Variants in LIPG observed in about 807,000 individuals in gnomAD.
The protein encoded by LIPG is lipase G, endothelial type, also known as endothelial lipase.
LIPG carries 34 observed loss-of-function variants against 51.8 expected under a neutral mutation model. The ratio of observed to expected loss-of-function variants is 0.66; its 90% CI spans 0.50 to 0.87. The LOEUF is 0.87. Among genes scored for constraint, LIPG ranks in the 40% least tolerant of loss-of-function variants. The probability of loss-of-function intolerance (pLI) is 0.00; values close to 1 mark genes in which losing one functional copy is unlikely to be tolerated. For synonymous variants in LIPG, 246 were observed against 246.1 expected (o/e 1.00, Z 0.00); for missense variants, 580 against 652.7 (o/e 0.89, Z 1.21).
intron 2 of LIPG, among the ~76,000 whole-genome samples, chr18:49,566,987 G>T (rs554804836): frequency 2.0e-5 from 3 of 152,314 alleles, no homozygotes; most frequent in East Asian, 1.9e-4. Flanking sequence ...TGCCTGTGCT[G>T]GTCCTGCTCA....
chr18:49,588,729 C>T (rs976567789), intron 9 of LIPG, among the ~76,000 whole-genome samples: 1 of 152,148 alleles, frequency 6.6e-6, no homozygotes, highest in Admixed American at 6.5e-5. Flanking sequence ...GAGGAAGGCC[C>T]ATCTTGTGGT....
Position 49,577,798 on chromosome 18 carries a change from AC to A in LIPG, c.793+2215del, listed in dbSNP as rs1200072741. On this transcript the variant is annotated intron_variant, in intron 5 of 9. Coordinates refer to ENST00000261292, the MANE Select transcript of LIPG (RefSeq NM_006033.4). The stretch of plus-strand genomic sequence containing the variant: ...GGGCGGCTGGCCAGGCGGGGGGCTG[AC>A]CCCCCCACCTCCCTCCCGGACGGGG... 1.3e-3 allele frequency among the ~76,000 whole-genome samples: 115 copies of A among 85,780 alleles called. 7 individuals carry two copies. The highest frequency in any genetic ancestry group is 5.7e-3 in the African/African-American group (104 of 18,192). 56.3% of individuals were successfully genotyped at this position (85,780 alleles called of 152,430 possible).
chr18:49,591,231 A>G lies in LIPG; in HGVS notation c.*709A>G, dbSNP rs1265753490. 1 of 154,810 alleles carries G rather than the reference A, an allele frequency of 6.5e-6. No homozygotes were observed. The highest frequency in any genetic ancestry group is 1.4e-5 in the Non-Finnish European group (1 of 69,834). 9.6% of individuals were successfully genotyped at this position (154,810 alleles called of 1,614,324 possible). On this transcript the variant is annotated 3_prime_UTR_variant, in exon 10 of 10. Transcript: ENST00000261292. Reference sequence around the variant, plus strand: ...AACCCAGTGGAGTTGGGATTTCTAGACCCTCTTTCTGTTTGGATGGTGTAT... The same window carrying G: ...AACCCAGTGGAGTTGGGATTTCTAGGCCCTCTTTCTGTTTGGATGGTGTAT...
intron 5 of LIPG, among the ~76,000 whole-genome samples, chr18:49,578,455 T>C (rs1313746221): frequency 8.9e-6 from 1 of 111,976 alleles, no homozygotes; most frequent in Non-Finnish European, 1.8e-5. Flanking sequence ...CCTCACTTCC[T>C]AGATGTGATG....
intron 1 of LIPG, among the ~76,000 whole-genome samples, chr18:49,564,811 A>G (rs536253902): frequency 6.6e-5 from 10 of 152,358 alleles, no homozygotes; most frequent in South Asian, 2.1e-4. Flanking sequence ...TTTGCCCTCA[A>G]ATGTGAGTGG....
chr18:49,596,192 A>G lies in LIPG; in HGVS notation c.*5670A>G, dbSNP rs894330462. On this transcript the variant is annotated 3_prime_UTR_variant, in exon 10 of 10. Transcript: ENST00000261292. ...AATGAATTCCATCTGAATAAAAGGT[A>G]TAAATGTGAAAGTCATCATGCTAAT... 6.6e-6 allele frequency: 1 copy of G among 152,264 alleles called. No homozygotes were observed. Among genetic ancestry groups the G allele is most frequent in the African/African-American group, 2.4e-5 (1 of 41,468 alleles). 9.4% of individuals were successfully genotyped at this position (152,264 alleles called of 1,614,324 possible).
chr18:49,562,163 G>C lies in LIPG; in HGVS notation c.-146G>C. On this transcript the variant is annotated 5_prime_UTR_variant, in exon 1 of 10. Transcript: ENST00000261292. ...CACCGCCCGGGCTCCGTGCCGCCAA[G>C]TTTTCATTTTCCACCTTCTCTGCCT... is the stretch of plus-strand genomic sequence containing the variant. The C allele has an allele frequency of 6.7e-7, 1 of 1,498,746 alleles. No homozygotes were observed. The highest frequency in any genetic ancestry group is 8.9e-7 in the Non-Finnish European group (1 of 1,129,558). The allele number at this position is 1,498,746 out of a possible 1,614,324, so 92.8% of individuals were successfully genotyped here.
chr18:49,569,973 C>T (rs913195363), intron 4 of LIPG, among the ~76,000 whole-genome samples: 2 of 152,200 alleles, frequency 1.3e-5, no homozygotes, highest in Non-Finnish European at 2.9e-5. Context: ...AACTCAAGAG[C>T]GGAAGCTGGA....
At chr18:49,586,044 G>A (rs1211930708) in intron 8 of LIPG, among the ~76,000 whole-genome samples, 1 of 152,180 alleles carries the variant, frequency 6.6e-6, no homozygotes, top group African/African-American at 2.4e-5. Flanking sequence ...CACCCTTAAG[G>A]ATTACGTGGT....
At chr18:49,565,531 A>T in intron 2 of LIPG, 33 bp downstream of exon 2, 1 of 1,609,964 alleles carries the variant, frequency 6.2e-7, no homozygotes, top group African/African-American at 1.3e-5. Flanking sequence ...GCGGCTTTAT[A>T]TAAGATTTGA....
Position 49,583,722 on chromosome 18 carries a change from C to CG in LIPG, c.1327dup (p.Glu443GlyfsTer26). On this transcript the variant is annotated frameshift_variant, in exon 8 of 10. Coordinates refer to ENST00000261292, the MANE Select transcript of LIPG (RefSeq NM_006033.4). LOFTEE classifies it high-confidence loss of function. ...CCTGTCTCAACCCCGCAACCCCGGA[C>CG]GGGAGCTGAATATCAGGCGCATCCG... 1.9e-6 allele frequency: 3 copies of CG among 1,614,068 alleles called. No individual in the cohort carries two copies. Among genetic ancestry groups the CG allele is most frequent in the Non-Finnish European group, 1.7e-6 (2 of 1,180,020 alleles).
rs187636431 is a variant in LIPG, at chr18:49,572,386, A to G, written c.571+2838A>G. 3.2e-3 allele frequency among the ~76,000 whole-genome samples: 481 copies of G among 152,192 alleles called. 5 individuals are homozygous for G. The highest frequency in any genetic ancestry group is 0.021 in the Admixed American group (323 of 15,280). ...ACACCTCATATATGACAGCTACTCT[A>G]TGCTATCTCTGAACCACATAGCAAC... On this transcript the variant is annotated intron_variant, in intron 4 of 9. Coordinates refer to ENST00000261292, the MANE Select transcript of LIPG (RefSeq NM_006033.4).
intron 8 of LIPG, 56 bp downstream of exon 8, chr18:49,583,830 G>A (rs1568536101): frequency 1.4e-6 from 2 of 1,474,278 alleles, no homozygotes; most frequent in African/African-American, 1.4e-5. Flanking sequence ...AGAAGGCTGT[G>A]CCTGTGACAT....
At chr18:49,564,443 C>G (rs2084581663) in intron 1 of LIPG, among the ~76,000 whole-genome samples, 1 of 152,230 alleles carries the variant, frequency 6.6e-6, no homozygotes, top group Admixed American at 6.5e-5. Flanking sequence ...GCAGGGCCGT[C>G]TCCTAGGTGG....
intron 5 of LIPG, among the ~76,000 whole-genome samples, chr18:49,578,879 GCGCGTGCCTGCAAT>G (rs1426736266): frequency 1.5e-5 from 2 of 133,744 alleles, no homozygotes; most frequent in Non-Finnish European, 3.2e-5. Context: ...AGGCGTGGTG[GCGCGTGCCTGCAAT>G]CGCAGGCACT....
intron 5 of LIPG, among the ~76,000 whole-genome samples, chr18:49,576,449 G>T (rs373262432): frequency 6.5e-5 from 5 of 76,338 alleles, no homozygotes; most frequent in Admixed American, 2.5e-4. Context: ...TTAAAAGACA[G>T]AATCTTGCTT....
chr18:49,561,854 C>G (rs758875121), upstream of LIPG: 94 of 1,262,902 alleles, frequency 7.4e-5, no homozygotes, highest in Non-Finnish European at 9.1e-5. Context: ...GGAGCGGGCC[C>G]GGGAGGAAGC....
At chr18:49,572,794 A>G (rs543065479) in intron 4 of LIPG, among the ~76,000 whole-genome samples, 3 of 151,874 alleles carry the variant, frequency 2.0e-5, no homozygotes, top group South Asian at 4.2e-4. Context: ...GCCGGGCCAG[A>G]ATGCACAGCC....
At chr18:49,569,758 CAGAA>C (rs2084644268) in intron 4 of LIPG, among the ~76,000 whole-genome samples, 1 of 151,130 alleles carries the variant, frequency 6.6e-6, no homozygotes, top group African/African-American at 2.4e-5. Flanking sequence ...ATATGAGACA[CAGAA>C]AGGGGGGTGC....
Sources: gnomAD v4.1 joint callset for allele counts (sites outside exome capture counted in the v4.1 genomes callset) on GRCh38, gnomAD v4.1.1 for gene constraint, MANE v1.5 for transcripts, NCBI Gene and HGNC (gene_info 2026-07-23, HGNC 2026-07-21) for gene names.